The following PBX1 variants were observed in gnomAD, a reference collection of about 807,000 sequenced individuals.
The protein encoded by PBX1 is pre-B-cell leukemia transcription factor 1.
PBX1 carries 6 observed loss-of-function variants against 53.4 expected under a neutral mutation model. That is an observed-to-expected ratio of 0.11 (90% CI 0.06 to 0.22). PBX1 has a LOEUF of 0.22. PBX1 is among the 10% of genes least tolerant of loss of function. PBX1 has a pLI of 1.00. For synonymous variants in PBX1, 204 were observed against 212.3 expected (o/e 0.96, Z 0.34); for missense variants, 251 against 551.4 (o/e 0.46, Z 5.46).
intron 2 of PBX1, among the ~76,000 whole-genome samples, chr1:164,588,821 C>G (rs1020440913): frequency 6.6e-6 from 1 of 152,184 alleles, no homozygotes; most frequent in African/African-American, 2.4e-5. Context: ...GCTCAGCCCC[C>G]TTTATCCCTC....
chr1:164,665,932 G>A (rs1364817500), intron 2 of PBX1, among the ~76,000 whole-genome samples: 1 of 152,214 alleles, frequency 6.6e-6, no homozygotes, highest in Non-Finnish European at 1.5e-5. Flanking sequence ...AGGGTTTTAA[G>A]TTTTCTGGCT....
chr1:164,724,977 T>G (rs573986501), intron 2 of PBX1, among the ~76,000 whole-genome samples: 78 of 152,030 alleles, frequency 5.1e-4, no homozygotes, highest in African/African-American at 1.8e-3. Context: ...CCTATACAGG[T>G]GGGTCCTTTT....
chr1:164,817,527 A>C (rs531629345), intron 6 of PBX1: 2 of 152,386 alleles, frequency 1.3e-5, no homozygotes, highest in Non-Finnish European at 2.9e-5. Context: ...ACACAATGAA[A>C]TGCTGAAACA....
At chr1:164,671,691 G>T (rs1661122969) in intron 2 of PBX1, among the ~76,000 whole-genome samples, 1 of 152,054 alleles carries the variant, frequency 6.6e-6, no homozygotes, top group Non-Finnish European at 1.5e-5. Context: ...TTTTTCTGGG[G>T]GGCAGGGAGT....
chr1:164,634,017 A>T (rs931065543), intron 2 of PBX1, among the ~76,000 whole-genome samples: 8 of 152,240 alleles, frequency 5.3e-5, no homozygotes, highest in Admixed American at 5.2e-4. Flanking sequence ...GGGTGGCGTT[A>T]TCCAGCTCTG....
At chr1:164,743,142 T>C (rs1665705124) in intron 2 of PBX1, among the ~76,000 whole-genome samples, 1 of 152,200 alleles carries the variant, frequency 6.6e-6, no homozygotes. Flanking sequence ...TTAGCTATTG[T>C]ATTCCTTCCG....
rs1051139624 is a variant in PBX1, at chr1:164,845,764, C to G, written c.1201-820C>G. On this transcript the variant is annotated intron_variant, in intron 8 of 8. Transcript: ENST00000420696. ...TCTCCAAATATTGATCAAGCCTATA[C>G]CTTCCCGTCTCACCACCTCTCTGGA... Among the ~76,000 whole-genome samples the G allele has an allele frequency of 5.3e-5, 8 of 152,118 alleles. 1 individual carries two copies. Among genetic ancestry groups the G allele is most frequent in the Admixed American group, 5.2e-4 (8 of 15,272 alleles).
chr1:164,705,149 A>G (rs1663355390), intron 2 of PBX1, among the ~76,000 whole-genome samples: 1 of 152,200 alleles, frequency 6.6e-6, no homozygotes, highest in Non-Finnish European at 1.5e-5. Context: ...GCTTCCACCC[A>G]TAGATGCCAG....
intron 8 of PBX1, 144 bp from the exon 9 acceptor site, chr1:164,846,440 C>A: frequency 1.4e-6 from 1 of 723,192 alleles, no homozygotes; most frequent in Non-Finnish European, 2.5e-6. Flanking sequence ...TTATCACCCA[C>A]AGTAATAGTT....
chr1:164,815,021 G>A (rs1478463295), intron 6 of PBX1: 1 of 152,124 alleles, frequency 6.6e-6, no homozygotes, highest in African/African-American at 2.4e-5. Flanking sequence ...AAGCAAAGAG[G>A]AAGAATAGAA....
At chr1:164,649,040 T>C (rs1571145336) in intron 2 of PBX1, among the ~76,000 whole-genome samples, 1 of 152,310 alleles carries the variant, frequency 6.6e-6, no homozygotes. Flanking sequence ...TCTGTGGGGT[T>C]ACTTTGTGTT....
intron 8 of PBX1, among the ~76,000 whole-genome samples, chr1:164,824,242 T>C (rs1890536): frequency 0.3 from 45,514 of 151,956 alleles, 8,282 homozygotes; most frequent in African/African-American, 0.51. Context: ...GTTCAGACCA[T>C]TTGCCTTTAA....
At chr1:164,732,033 A>G (rs985884105) in intron 2 of PBX1, among the ~76,000 whole-genome samples, 1 of 152,082 alleles carries the variant, frequency 6.6e-6, no homozygotes, top group African/African-American at 2.4e-5. Context: ...TGTTGGGGAG[A>G]GGGCCCGGAC....
At position 164,559,612 on chromosome 1, in the gene PBX1, G is replaced by T. The variant is rs1652865960; in HGVS notation, c.-211G>T. 1 of 159,818 alleles carries T rather than the reference G, an allele frequency of 6.3e-6. No homozygotes were observed. Among genetic ancestry groups the T allele is most frequent in the Non-Finnish European group, 1.1e-5 (1 of 89,726 alleles). 9.9% of individuals were successfully genotyped at this position (159,818 alleles called of 1,614,324 possible). ...CACCCTCACCCCGCAACCCCTTCAC[G>T]CCCCCTCCCCCTCCCCCTCCTCATC... On this transcript the variant is annotated 5_prime_UTR_variant, in exon 1 of 9. Coordinates refer to ENST00000420696, the MANE Select transcript of PBX1 (RefSeq NM_002585.4).
chr1:164,632,239 T>C (rs1020705367), intron 2 of PBX1, among the ~76,000 whole-genome samples: 8 of 152,226 alleles, frequency 5.3e-5, no homozygotes, highest in African/African-American at 1.9e-4. Flanking sequence ...CAGCACCTCA[T>C]TGACATGGCT....
At chr1:164,699,115 G>A (rs1431613804) in intron 2 of PBX1, among the ~76,000 whole-genome samples, 4 of 152,144 alleles carry the variant, frequency 2.6e-5, no homozygotes, top group Admixed American at 6.5e-5. Context: ...ACATAGCAGC[G>A]GGCCTGGGTG....
At chr1:164,741,644 T>C (rs938582738) in intron 2 of PBX1, among the ~76,000 whole-genome samples, 84 of 152,126 alleles carry the variant, frequency 5.5e-4, no homozygotes, top group African/African-American at 1.9e-3. Flanking sequence ...AGTGCTTTAA[T>C]AAGTCCCCTG....
At chr1:164,708,966 A>T (rs1024971700) in intron 2 of PBX1, among the ~76,000 whole-genome samples, 1 of 152,116 alleles carries the variant, frequency 6.6e-6, no homozygotes, top group Non-Finnish European at 1.5e-5. Context: ...GGTGCTGGGG[A>T]TACTGACTAG....
At chr1:164,670,220 C>G (rs1345626001) in intron 2 of PBX1, among the ~76,000 whole-genome samples, 3 of 152,186 alleles carry the variant, frequency 2.0e-5, no homozygotes, top group Admixed American at 6.5e-5. Context: ...CCTAGGACCT[C>G]TCTAAGAGCT....
Sources: allele counts gnomAD v4.1 joint callset (sites outside exome capture counted in the v4.1 genomes callset), GRCh38; gene constraint gnomAD v4.1.1; transcripts MANE v1.5; gene names NCBI Gene and HGNC (gene_info 2026-07-23, HGNC 2026-07-21).